The following EP300 variants were observed in gnomAD, a reference collection of about 807,000 sequenced individuals.
The protein encoded by EP300 is histone acetyltransferase p300.
EP300 carries 31 observed loss-of-function variants against 264.0 expected under a neutral mutation model. The ratio of observed to expected loss-of-function variants is 0.12; its 90% CI spans 0.09 to 0.16. The LOEUF is 0.16. EP300 is among the 10% of genes least tolerant of loss of function. EP300 has a pLI of 1.00. For synonymous variants in EP300, 1,340 were observed against 1,045.4 expected, an observed-to-expected ratio of 1.28 and a Z score of -5.44; for missense variants, 2,766 against 3,052.9, an observed-to-expected ratio of 0.91 and a Z score of 2.21.
chr22:41,093,085 C>T lies in EP300; in HGVS notation c.81C>T (p.Ala27=). The change falls in exon 1 of 31, where the codon GCC becomes GCT. Residue 27 remains alanine (A), a synonymous_variant. Transcript: ENST00000263253. ...KLSSPALSAS[A]SDGTDFGSLF... is the part of the protein sequence containing the mutation. ...CATCTCCGGCCCTCTCGGCGTCCGC[C>T]AGCGATGGCACAGGTTAGTTTCGGC... 3.7e-6 allele frequency: 6 copies of T among 1,614,152 alleles called. No homozygotes were observed. Among genetic ancestry groups the T allele is most frequent in the Non-Finnish European group, 4.2e-6 (5 of 1,180,036 alleles).
chr22:41,123,714 G>A (rs2058864834), intron 2 of EP300, among the ~76,000 whole-genome samples: 1 of 151,724 alleles, frequency 6.6e-6, no homozygotes, highest in Admixed American at 6.6e-5. Context: ...TTGTAGTTGG[G>A]ATCCTATGTG....
intron 3 of EP300, among the ~76,000 whole-genome samples, chr22:41,126,944 A>G (rs1053189191): frequency 2.0e-5 from 3 of 151,706 alleles, no homozygotes; most frequent in South Asian, 2.1e-4. Context: ...GGGTTTCTCC[A>G]TGTTGGTCAG....
intron 1 of EP300, among the ~76,000 whole-genome samples, chr22:41,098,766 T>C (rs2145673901): frequency 6.6e-6 from 1 of 152,300 alleles, no homozygotes; most frequent in Non-Finnish European, 1.5e-5. Flanking sequence ...GTCAGACTGC[T>C]AGAGTTCATA....
In EP300 at chr22:41,179,880, TCACACACACACACACACACACACACACA is replaced by T. The variant is rs59721178; in HGVS notation, c.*940_*967del. 26 of 167,214 alleles carry T rather than the reference TCACACACACACACACACACACACACACA, an allele frequency of 1.6e-4. No homozygotes were observed. Among genetic ancestry groups the T allele is most frequent in the Non-Finnish European group, 2.6e-4 (21 of 80,750 alleles). The allele number at this position is 167,214 out of a possible 1,614,324, so 10.4% of individuals were successfully genotyped here. A position where few individuals can be genotyped will look rare whatever the true frequency, so the allele number is the denominator to read the frequency against. On this transcript the variant is annotated 3_prime_UTR_variant, in exon 31 of 31. Transcript: ENST00000263253. ...TCTTCCTCCTTACCCTACCCCCCAC[TCACACACACACACACACACACACACACA>T]CACACACACACACACTTTCTATAAA...
Position 41,178,964 on chromosome 22 carries a change from TTG to T in EP300, c.*10_*11del. 6.2e-7 allele frequency: 1 copy of T among 1,600,776 alleles called. No individual in the cohort carries two copies. The highest frequency in any genetic ancestry group is 1.4e-5 in the African/African-American group (1 of 74,066). ...ACACTAGACATACACTAGAGACACCTTGTAGTATTTTGGGAGCAAAAAAATTA... is the reference window on the plus strand; with the variant it reads ...ACACTAGACATACACTAGAGACACCTTAGTATTTTGGGAGCAAAAAAATTA... On this transcript the variant is annotated 3_prime_UTR_variant, in exon 31 of 31. Coordinates refer to ENST00000263253, the MANE Select transcript of EP300 (RefSeq NM_001429.4).
intron 10 of EP300, among the ~76,000 whole-genome samples, chr22:41,146,288 C>T (rs2059010319): frequency 6.6e-6 from 1 of 152,032 alleles, no homozygotes; most frequent in African/African-American, 2.4e-5. Flanking sequence ...CCTCAGCCTC[C>T]TGAGTAGCTG....
intron 23 of EP300, among the ~76,000 whole-genome samples, chr22:41,167,584 G>A (rs4822014): frequency 9.3e-3 from 318 of 34,040 alleles, no homozygotes; most frequent in African/African-American, 0.028. Flanking sequence ...GTGTGTGTGT[G>A]TATATATATA....
At chr22:41,173,145 C>A (rs1186443236) in intron 28 of EP300, among the ~76,000 whole-genome samples, 1 of 152,198 alleles carries the variant, frequency 6.6e-6, no homozygotes, top group Non-Finnish European at 1.5e-5. Flanking sequence ...TCTCGAATTA[C>A]CTCCATTGAA....
At chr22:41,126,525 T>C (rs934755759) in intron 3 of EP300, among the ~76,000 whole-genome samples, 3 of 152,158 alleles carry the variant, frequency 2.0e-5, no homozygotes, top group Non-Finnish European at 2.9e-5. Context: ...TCTAGTGTTA[T>C]TTTTGTACAG....
At chr22:41,119,374 G>C (rs1255741089) in intron 2 of EP300, among the ~76,000 whole-genome samples, 2 of 151,540 alleles carry the variant, frequency 1.3e-5, no homozygotes, top group Non-Finnish European at 2.9e-5. Context: ...AATATTTGGA[G>C]TGAGAACCAA....
chr22:41,153,020 T>G (rs1361021260), intron 16 of EP300, among the ~76,000 whole-genome samples: 1 of 152,140 alleles, frequency 6.6e-6, no homozygotes, highest in Non-Finnish European at 1.5e-5. Context: ...GCTCCCAAAG[T>G]GCTGGGATTA....
chr22:41,118,953 GT>G (rs1000707619), intron 2 of EP300, among the ~76,000 whole-genome samples: 1 of 150,030 alleles, frequency 6.7e-6, no homozygotes, highest in East Asian at 1.9e-4. Context: ...TTAGGATTCT[GT>G]TTTAGCATTC....
In EP300 at chr22:41,127,747, A is replaced by C; in HGVS notation, c.1167A>C (p.Gln389His). ...MTHCQSGKSC[Q>H]VAHCASSRQI... Reference sequence around the variant, plus strand: ...ACTGCCAGTCAGGCAAGTCTTGCCAAGGTAAGTGGACCCACAGGGTTACTG... The same window carrying C: ...ACTGCCAGTCAGGCAAGTCTTGCCACGGTAAGTGGACCCACAGGGTTACTG... Residue 389 changes from glutamine (Q) to histidine (H), a missense_variant and splice_region_variant, in exon 4 of 31, where the codon CAA (glutamine) becomes CAC (histidine). Transcript: ENST00000263253. 6.2e-7 allele frequency: 1 copy of C among 1,614,228 alleles called. No homozygotes were observed. The highest frequency in any genetic ancestry group is 8.5e-7 in the Non-Finnish European group (1 of 1,180,052).
chr22:41,169,683 A>G, intron 26 of EP300, 67 bp downstream of exon 26: 1 of 889,216 alleles, frequency 1.1e-6, no homozygotes, highest in South Asian at 1.3e-5. Flanking sequence ...ATATAGGTTA[A>G]ATATGCAAAT....
intron 4 of EP300, among the ~76,000 whole-genome samples, chr22:41,128,169 A>G (rs2058893942): frequency 6.6e-6 from 1 of 152,168 alleles, no homozygotes; most frequent in Non-Finnish European, 1.5e-5. Flanking sequence ...ATGTCTTTAA[A>G]AAAGGTTGGG....
intron 10 of EP300, among the ~76,000 whole-genome samples, chr22:41,143,810 C>T (rs950409754): frequency 6.6e-6 from 1 of 152,178 alleles, no homozygotes; most frequent in East Asian, 1.9e-4. Flanking sequence ...AACTCCCGGC[C>T]TCAAGTGATC....
intron 7 of EP300, among the ~76,000 whole-genome samples, chr22:41,137,066 GA>G (rs10717148): frequency 0.25 from 37,653 of 147,972 alleles, 5,514 homozygotes; most frequent in Admixed American, 0.43. Flanking sequence ...TCTCAAGAAG[GA>G]AAAAAAAATG....
chr22:41,149,282 AT>A, intron 13 of EP300, 107 bp downstream of exon 13: 2 of 1,346,784 alleles, frequency 1.5e-6, no homozygotes, highest in East Asian at 4.7e-5. Flanking sequence ...AAAACAGATG[AT>A]TTTTTAAAAA....
At chr22:41,114,113 A>G (rs904652199) in intron 1 of EP300, among the ~76,000 whole-genome samples, 1 of 152,194 alleles carries the variant, frequency 6.6e-6, no homozygotes, top group African/African-American at 2.4e-5. Context: ...CTATATCAGT[A>G]TATTAAGCAG....
Sources: gnomAD v4.1 joint callset for allele counts (sites outside exome capture counted in the v4.1 genomes callset) on GRCh38, gnomAD v4.1.1 for gene constraint, MANE v1.5 for transcripts, NCBI Gene and HGNC (gene_info 2026-07-23, HGNC 2026-07-21) for gene names.